The following TMEM132B variants were observed in gnomAD, a reference collection of about 807,000 sequenced individuals.
The protein encoded by TMEM132B is transmembrane protein 132B.
In TMEM132B, 18 loss-of-function variants were observed where a neutral mutation model predicts 90.8. The ratio of observed to expected loss-of-function variants is 0.20; its 90% CI spans 0.14 to 0.29. The LOEUF is 0.29. Ranked by LOEUF, TMEM132B falls within the 10% of genes least tolerant of loss-of-function variation. The pLI, the probability that TMEM132B is intolerant of heterozygous loss-of-function variation, is 1.00. For missense variants in TMEM132B, 1,096 were observed against 1,326.8 expected (o/e 0.83, Z 2.70); for synonymous variants, 504 against 523.3 (o/e 0.96, Z 0.50).
chr12:125,649,965 C>G (rs1468870659), intron 6 of TMEM132B, among the ~76,000 whole-genome samples: 1 of 152,144 alleles, frequency 6.6e-6, no homozygotes, highest in African/African-American at 2.4e-5. Context: ...TTAGCAGTAG[C>G]TTGAGCAGGT....
chr12:125,322,659 G>A (rs1876460834), intron 1 of TMEM132B, among the ~76,000 whole-genome samples: 1 of 152,166 alleles, frequency 6.6e-6, no homozygotes, highest in Non-Finnish European at 1.5e-5. Flanking sequence ...TTTATTGGAT[G>A]CCAAGTATAC....
chr12:125,644,273 C>T lies in TMEM132B; in HGVS notation c.1635C>T (p.Ala545=). Residue 545 remains alanine, a synonymous_variant, in exon 6 of 9, where the codon GCC becomes GCT. Transcript: ENST00000682704. ...AGGGCTGGAGGATCCCGGTTGCTGC[C>T]AACAGAAGGTGAGGAATCAAAGAGA... is the stretch of plus-strand genomic sequence containing the variant. ...QIKGWRIPVA[A]NRRPTRESDD... The T allele has an allele frequency of 6.2e-7, 1 of 1,614,052 alleles. No homozygotes were observed. The highest frequency in any genetic ancestry group is 1.7e-5 in the Admixed American group (1 of 60,014).
chr12:125,382,479 T>C (rs74591062), intron 2 of TMEM132B, among the ~76,000 whole-genome samples: 225 of 152,270 alleles, frequency 1.5e-3, no homozygotes, highest in African/African-American at 5.1e-3. Flanking sequence ...AAGAGGAGAA[T>C]TGTGGAGTTG....
intron 1 of TMEM132B, among the ~76,000 whole-genome samples, chr12:125,252,149 A>G (rs184193242): frequency 1.1e-4 from 16 of 152,348 alleles, no homozygotes; most frequent in Admixed American, 3.9e-4. Flanking sequence ...CTCTTGGGTG[A>G]TAAATAATGA....
chr12:125,609,020 C>T (rs1379142122), intron 5 of TMEM132B, among the ~76,000 whole-genome samples: 2 of 152,168 alleles, frequency 1.3e-5, no homozygotes, highest in African/African-American at 4.8e-5. Flanking sequence ...CACCTTTTCA[C>T]AGAGCAGCAG....
At chr12:125,604,788 G>A (rs556010673) in intron 5 of TMEM132B, among the ~76,000 whole-genome samples, 1 of 152,258 alleles carries the variant, frequency 6.6e-6, no homozygotes, top group South Asian at 2.1e-4. Context: ...TTTGTGAATA[G>A]GGAAGATAAC....
At chr12:125,469,432 CAACA>C (rs981000007) in intron 3 of TMEM132B, among the ~76,000 whole-genome samples, 2 of 152,190 alleles carry the variant, frequency 1.3e-5, no homozygotes, top group Non-Finnish European at 2.9e-5. Flanking sequence ...ATGTGCCAGC[CAACA>C]AACAAATATT....
At chr12:125,219,169 A>T (rs1455332490) in intron 1 of TMEM132B, among the ~76,000 whole-genome samples, 2 of 152,168 alleles carry the variant, frequency 1.3e-5, no homozygotes, top group Non-Finnish European at 1.5e-5. Context: ...TTAAATGTAT[A>T]GCCATGATGG....
intron 4 of TMEM132B, among the ~76,000 whole-genome samples, chr12:125,564,603 C>A (rs961029910): frequency 1.3e-5 from 2 of 152,146 alleles, no homozygotes; most frequent in African/African-American, 2.4e-5. Flanking sequence ...AGGATAGGTC[C>A]AGGATTGAAG....
chr12:125,370,560 C>G (rs188905288), intron 2 of TMEM132B, among the ~76,000 whole-genome samples: 1 of 152,184 alleles, frequency 6.6e-6, no homozygotes, highest in Admixed American at 6.5e-5. Context: ...CTTCTCCCCC[C>G]ATCAGGGTTT....
rs959458549 is a variant in TMEM132B, at chr12:125,492,781, T to A, written c.1107-26658T>A. 6.6e-6 allele frequency among the ~76,000 whole-genome samples: 1 copy of A among 152,108 alleles called. No individual in the cohort carries two copies. Among genetic ancestry groups the A allele is most frequent in the Non-Finnish European group, 1.5e-5 (1 of 68,014 alleles). ...TCAGCCACTCAGCCACGCCCGCAGA[T>A]CTCACTTGGCTCCAAAATGGGCTGG... On this transcript the variant is annotated intron_variant, in intron 3 of 8. Coordinates refer to ENST00000682704, the MANE Select transcript of TMEM132B (RefSeq NM_001366854.1). This position sits in a 1 kb window ranked among gnomAD's most constrained non-coding sequence, Gnocchi z 5.8.
chr12:125,282,909 G>A (rs1323843328), intron 1 of TMEM132B, among the ~76,000 whole-genome samples: 1 of 152,140 alleles, frequency 6.6e-6, no homozygotes, highest in African/African-American at 2.4e-5. Flanking sequence ...CCATTCCAAT[G>A]TGGTCCTTAT....
intron 2 of TMEM132B, among the ~76,000 whole-genome samples, chr12:125,389,173 ATAAG>A (rs1303805874): frequency 1.3e-5 from 2 of 152,216 alleles, no homozygotes; most frequent in East Asian, 1.9e-4. Flanking sequence ...CAAACAATAA[ATAAG>A]TAAGCAAATA....
chr12:125,245,389 T>G, intron 1 of TMEM132B, among the ~76,000 whole-genome samples: 2 of 82,170 alleles, frequency 2.4e-5, no homozygotes, highest in African/African-American at 9.4e-5. Flanking sequence ...CCCACCCCTC[T>G]GCAGGTTGAT....
At chr12:125,614,917 C>T (rs1023260680) in intron 5 of TMEM132B, among the ~76,000 whole-genome samples, 2 of 152,050 alleles carry the variant, frequency 1.3e-5, no homozygotes, top group African/African-American at 4.8e-5. Flanking sequence ...ATTAATTTCC[C>T]CTCATTTTTG....
At chr12:125,422,505 T>G (rs1169821820) in intron 3 of TMEM132B, among the ~76,000 whole-genome samples, 2 of 152,092 alleles carry the variant, frequency 1.3e-5, no homozygotes, top group Admixed American at 6.5e-5. Flanking sequence ...GTAGGGGAGG[T>G]AGGTGGTCAA....
intron 3 of TMEM132B, among the ~76,000 whole-genome samples, chr12:125,506,173 A>T (rs1272737483): frequency 6.6e-6 from 1 of 152,240 alleles, no homozygotes; most frequent in African/African-American, 2.4e-5. Context: ...GAACAACAGA[A>T]TCCTACCCAG....
chr12:125,491,789 A>T (rs758125454), intron 3 of TMEM132B, among the ~76,000 whole-genome samples: 1 of 152,170 alleles, frequency 6.6e-6, no homozygotes, highest in Non-Finnish European at 1.5e-5. Flanking sequence ...CCAGCCGTGC[A>T]CCCTGGCAAG....
chr12:125,545,600 T>C (rs919395213), intron 4 of TMEM132B, among the ~76,000 whole-genome samples: 4 of 152,212 alleles, frequency 2.6e-5, no homozygotes, highest in African/African-American at 9.6e-5. Context: ...CTGGCCACTG[T>C]GTGTCACTGT....
Sources: allele counts gnomAD v4.1 joint callset (sites outside exome capture counted in the v4.1 genomes callset), GRCh38; gene constraint gnomAD v4.1.1; non-coding constraint Gnocchi (gnomAD v3.1); transcripts MANE v1.5; gene names NCBI Gene and HGNC (gene_info 2026-07-23, HGNC 2026-07-21).